Variants in MFNG observed in about 807,000 individuals in gnomAD.
MFNG encodes MFNG O-fucosylpeptide 3-beta-N-acetylglucosaminyltransferase.
Under a neutral mutation model 34.2 loss-of-function variants are expected in MFNG, and 24 were observed. The ratio of observed to expected loss-of-function variants is 0.70; its 90% confidence interval spans 0.51 to 0.99. The LOEUF (loss-of-function observed/expected upper bound fraction) is 0.99, where lower values mean the gene tolerates loss of function less well. MFNG is among the 50% of genes least tolerant of loss of function. The pLI is 0.00. For synonymous variants in MFNG, 158 were observed against 179.2 expected, an observed-to-expected ratio of 0.88 and a Z score of 0.94; for missense variants, 383 against 424.0, an observed-to-expected ratio of 0.90 and a Z score of 0.85.
rs1281045587 is a variant in MFNG, at chr22:37,469,856, C to A, written c.*107G>T. On this transcript the variant is annotated 3_prime_UTR_variant, in exon 8 of 8. Transcript: ENST00000356998. Reference sequence around the variant, plus strand: ...GCTTGCCAACCACCCGAAGGCCCTGCCAGGGACTGCCTATCACAAGACACT... The same window carrying A: ...GCTTGCCAACCACCCGAAGGCCCTGACAGGGACTGCCTATCACAAGACACT... 6.5e-6 allele frequency: 6 copies of A among 930,026 alleles called. No homozygotes were observed. The highest frequency in any genetic ancestry group is 1.0e-5 in the Non-Finnish European group (6 of 579,814). The allele number at this position is 930,026 out of a possible 1,614,324, so 57.6% of individuals were successfully genotyped here.
In MFNG at chr22:37,486,119, C is replaced by A; in HGVS notation, c.59G>T (p.Gly20Val). The change falls in exon 1 of 8, where the codon GGG (glycine) becomes GTG (valine). Residue 20 changes from glycine to valine, a missense_variant. Transcript: ENST00000356998. ...CAAGTGGTACCGCAGACACAGGAGCCCCATGCACAGGAGGGTGAGGAGGGC... is the reference window on the plus strand; with the variant it reads ...CAAGTGGTACCGCAGACACAGGAGCACCATGCACAGGAGGGTGAGGAGGGC... ...AGALLTLLCM[G>V]LLCLRYHLNL... 1 of 1,609,866 alleles carries A rather than the reference C, an allele frequency of 6.2e-7. No homozygotes were observed.
In MFNG at chr22:37,469,687, C is replaced by A. The variant is rs1002136258; in HGVS notation, c.*276G>T. 12 of 536,924 alleles carry A rather than the reference C, an allele frequency of 2.2e-5. No homozygotes were observed. The highest frequency in any genetic ancestry group is 3.8e-5 in the Non-Finnish European group (11 of 286,492). 33.3% of individuals were successfully genotyped at this position (536,924 alleles called of 1,614,324 possible). A position where few individuals can be genotyped will look rare whatever the true frequency, so the allele number is the denominator to read the frequency against. On this transcript the variant is annotated 3_prime_UTR_variant, in exon 8 of 8. Coordinates refer to ENST00000356998, the MANE Select transcript of MFNG (RefSeq NM_002405.4). Reference sequence around the variant, plus strand: ...CCCAGCCCAGCTCAAGTGCCCCCTGCCCTTTTTCAATTCAGCCTCCTGAGG... The same window carrying A: ...CCCAGCCCAGCTCAAGTGCCCCCTGACCTTTTTCAATTCAGCCTCCTGAGG...
At position 37,485,381 on chromosome 22, in the gene MFNG, T is replaced by C. The variant is rs1239774828; in HGVS notation, c.255+542A>G. Among the ~76,000 whole-genome samples the C allele has an allele frequency of 6.6e-6, 1 of 152,146 alleles. No homozygotes were observed. Among genetic ancestry groups the C allele is most frequent in the Non-Finnish European group, 1.5e-5 (1 of 68,018 alleles). On this transcript the variant is annotated intron_variant, in intron 1 of 7. Coordinates refer to ENST00000356998, the MANE Select transcript of MFNG (RefSeq NM_002405.4). This position sits in a 1 kb window ranked among gnomAD's most constrained non-coding sequence, Gnocchi z 5.3. ...GCAGCAGAGACACAGCGGCAGGGGC[T>C]ATCGGGAAGGCCGAAGGGATGCCTC...
Position 37,469,883 on chromosome 22 carries a change from G to T in MFNG, c.*80C>A. 2 of 1,169,326 alleles carry T rather than the reference G, an allele frequency of 1.7e-6. No homozygotes were observed. Among genetic ancestry groups the T allele is most frequent in the Non-Finnish European group, 2.5e-6 (2 of 797,232 alleles). 72.4% of individuals were successfully genotyped at this position (1,169,326 alleles called of 1,614,324 possible). On this transcript the variant is annotated 3_prime_UTR_variant, in exon 8 of 8. Coordinates refer to ENST00000356998, the MANE Select transcript of MFNG (RefSeq NM_002405.4). Reference sequence around the variant, plus strand: ...AGGGACTGCCTATCACAAGACACTTGCCAGGGACCCACAGTGCCACCTTGG... The same window carrying T: ...AGGGACTGCCTATCACAAGACACTTTCCAGGGACCCACAGTGCCACCTTGG...
At chr22:37,471,019 G>A (rs1034538352) in intron 7 of MFNG, among the ~76,000 whole-genome samples, 23 of 151,990 alleles carry the variant, frequency 1.5e-4, no homozygotes, top group Non-Finnish European at 8.8e-5. Context: ...AGCCTTCCCC[G>A]GCCAGCCCCT....
In MFNG at chr22:37,483,180, G is replaced by A. The variant is rs561616437; in HGVS notation, c.256-2411C>T. On this transcript the variant is annotated intron_variant, in intron 1 of 7. Coordinates refer to ENST00000356998, the MANE Select transcript of MFNG (RefSeq NM_002405.4). The surrounding 1 kb of genome is among the most constrained non-coding windows in gnomAD (Gnocchi z 4.5). ...CTCTCTTCCTCTCACACCTCTTCCC[G>A]AGCCTGTCATCAATTCTGCTCACCA... Among the ~76,000 whole-genome samples the A allele has an allele frequency of 3.3e-5, 5 of 152,108 alleles. No homozygotes were observed. Among genetic ancestry groups the A allele is most frequent in the Admixed American group, 2.0e-4 (3 of 15,264 alleles).
intron 1 of MFNG, chr22:37,484,536 G>A (rs868863956): frequency 2.0e-5 from 3 of 151,458 alleles, no homozygotes; most frequent in South Asian, 2.1e-4. Context: ...GGCCTTCTGC[G>A]TGACACCACG....
At position 37,483,637 on chromosome 22, in the gene MFNG, C is replaced by T. The variant is rs373147228; in HGVS notation, c.255+2286G>A. Among the ~76,000 whole-genome samples, 18 of 151,894 alleles carry T rather than the reference C, an allele frequency of 1.2e-4. No individual in the cohort carries two copies. Among genetic ancestry groups the T allele is most frequent in the East Asian group, 7.7e-4 (4 of 5,190 alleles). On this transcript the variant is annotated intron_variant, in intron 1 of 7. Coordinates refer to ENST00000356998, the MANE Select transcript of MFNG (RefSeq NM_002405.4). The surrounding 1 kb of genome is among the most constrained non-coding windows in gnomAD (Gnocchi z 4.5). ...CTCTACTAAAAATAGAAAAATTAGCCGGGCGTGGTGCGCATGCCTGTAGTC... is the reference window on the plus strand; with the variant it reads ...CTCTACTAAAAATAGAAAAATTAGCTGGGCGTGGTGCGCATGCCTGTAGTC...
chr22:37,478,662 A>G (rs1276741039), intron 4 of MFNG, among the ~76,000 whole-genome samples: 1 of 148,972 alleles, frequency 6.7e-6, no homozygotes, highest in Admixed American at 6.7e-5. Flanking sequence ...CCAGCCCCAC[A>G]GTATTCAGCA....
rs770350378 is a variant in MFNG, at chr22:37,486,018, G to A, written c.160C>T (p.His54Tyr). 6.8e-6 allele frequency: 11 copies of A among 1,613,978 alleles called. 1 individual carries two copies. In the South Asian group the frequency reaches 1.2e-4, roughly 18 times the overall value. The part of the protein sequence containing the change: ...PNPGPPKLQL[H>Y]DVFIAVKTTR... ...GTCTTCACTGCAATGAAGACATCGT[G>A]TAGCTGTAGCTTAGGGGGCCCCGGG... The change falls in exon 1 of 8, where the codon CAC (histidine) becomes TAC (tyrosine). Residue 54 changes from histidine to tyrosine, a missense_variant. By Grantham distance (83) the His-to-Tyr change is moderately conservative. Coordinates refer to ENST00000356998, the MANE Select transcript of MFNG (RefSeq NM_002405.4).
chr22:37,475,847 T>C (rs1922012951), intron 5 of MFNG, among the ~76,000 whole-genome samples: 1 of 152,216 alleles, frequency 6.6e-6, no homozygotes, highest in Non-Finnish European at 1.5e-5. Flanking sequence ...CGGATGACCC[T>C]GGTCATGTGT....
intron 7 of MFNG, among the ~76,000 whole-genome samples, chr22:37,471,130 G>A (rs892297446): frequency 3.3e-5 from 5 of 152,032 alleles, no homozygotes; most frequent in Non-Finnish European, 5.9e-5. Context: ...CAGACTCCCC[G>A]TCCCCCAGGA....
chr22:37,469,152 G>C lies in MFNG; in HGVS notation c.*811C>G, dbSNP rs1350876536. ...ATGATTGTCTTGGCCTTTCCTTCAT[G>C]GTAGCAAGGTGGCTGCCCCAGATCC... On this transcript the variant is annotated 3_prime_UTR_variant, in exon 8 of 8. Coordinates refer to ENST00000356998, the MANE Select transcript of MFNG (RefSeq NM_002405.4). 1 of 152,960 alleles carries C rather than the reference G, an allele frequency of 6.5e-6. No individual in the cohort carries two copies. The highest frequency in any genetic ancestry group is 2.4e-5 in the African/African-American group (1 of 41,432). The allele number at this position is 152,960 out of a possible 1,614,324, so 9.5% of individuals were successfully genotyped here.
At position 37,485,862 on chromosome 22, in the gene MFNG, G is replaced by T; in HGVS notation, c.255+61C>A. 6.5e-7 allele frequency: 1 copy of T among 1,546,148 alleles called. No individual in the cohort carries two copies. Among genetic ancestry groups the T allele is most frequent in the Non-Finnish European group, 8.7e-7 (1 of 1,143,036 alleles). On this transcript the variant is annotated intron_variant, in intron 1 of 7. Coordinates refer to ENST00000356998, the MANE Select transcript of MFNG (RefSeq NM_002405.4). This position sits in a 1 kb window ranked among gnomAD's most constrained non-coding sequence, Gnocchi z 5.3. ...TCAGGGACCCCAGCCCAGTAGAAAG[G>T]CCTCTGAGAACCCCTTAGGCCAGGG... is the stretch of plus-strand genomic sequence containing the variant.
intron 1 of MFNG, 84 bp from the exon 2 acceptor site, chr22:37,480,853 C>T: frequency 8.3e-7 from 1 of 1,210,202 alleles, no homozygotes; most frequent in Non-Finnish European, 1.2e-6. Context: ...CACCAGGCCC[C>T]AGATGGACTC....
chr22:37,471,830 C>CAAAAAAAAA (rs913243094), intron 7 of MFNG, among the ~76,000 whole-genome samples: 1 of 35,512 alleles, frequency 2.8e-5, no homozygotes, highest in Non-Finnish European at 5.1e-5. Flanking sequence ...GGCTCCATCT[C>CAAAAAAAAA]AAAAAAAAAA....
At chr22:37,476,305 T>C (rs1223265359) in intron 5 of MFNG, among the ~76,000 whole-genome samples, 1 of 151,682 alleles carries the variant, frequency 6.6e-6, no homozygotes, top group Non-Finnish European at 1.5e-5. Flanking sequence ...CTCATAATAT[T>C]AGGAGTAATA....
intron 5 of MFNG, among the ~76,000 whole-genome samples, 171 bp downstream of exon 5, chr22:37,476,725 G>A (rs553164582): frequency 6.6e-6 from 1 of 152,324 alleles, no homozygotes; most frequent in Admixed American, 6.5e-5. Context: ...GCCCCTGAGG[G>A]CAGGTGGCAG....
rs763301007 is a variant in MFNG, at chr22:37,485,053, G to T, written c.255+870C>A. On this transcript the variant is annotated intron_variant, in intron 1 of 7. Coordinates refer to ENST00000356998, the MANE Select transcript of MFNG (RefSeq NM_002405.4). This position sits in a 1 kb window ranked among gnomAD's most constrained non-coding sequence, Gnocchi z 5.3. ...CCCTAACACCGACATCACTAACTTTGCTTAAGGAAGATACTGGATGCGAGG... is the reference window on the plus strand; with the variant it reads ...CCCTAACACCGACATCACTAACTTTTCTTAAGGAAGATACTGGATGCGAGG... 4.6e-5 allele frequency among the ~76,000 whole-genome samples: 7 copies of T among 152,056 alleles called. No homozygotes were observed. Among genetic ancestry groups the T allele is most frequent in the Non-Finnish European group, 8.8e-5 (6 of 68,004 alleles).
Sources: gnomAD v4.1 joint callset for allele counts (sites outside exome capture counted in the v4.1 genomes callset) on GRCh38, gnomAD v4.1.1 for gene constraint, Gnocchi (gnomAD v3.1) non-coding constraint, MANE v1.5 for transcripts, NCBI Gene and HGNC (gene_info 2026-07-23, HGNC 2026-07-21) for gene names.